GPRIN2: variants seen among roughly 807,000 people sequenced by gnomAD.
GPRIN2 encodes G protein regulated inducer of neurite outgrowth 2.
A neutral mutation model predicts 0.3 loss-of-function variants in GPRIN2; 1 was observed. The ratio of observed to expected loss-of-function variants is 3.90; its 90% confidence interval spans 1.39 to 18.51. The LOEUF is 18.51. Ranked by LOEUF, GPRIN2 falls within the 30% of genes most tolerant of loss-of-function variation. The pLI is 0.11. For missense variants in GPRIN2, 880 were observed against 604.2 expected, an observed-to-expected ratio of 1.46 and a Z score of -4.79; for synonymous variants, 361 against 258.6, an observed-to-expected ratio of 1.40 and a Z score of -3.80.
rs1832516052 is a variant in GPRIN2 at position 46,550,009 on chromosome 10, G to GCCCCTACCT, written c.727_728insAGGTAGGGG (p.Arg242_Ala243insGluValGly). The GCCCCTACCT allele has an allele frequency of 1.2e-6, 2 of 1,613,656 alleles. No individual in the cohort carries two copies. Among genetic ancestry groups the GCCCCTACCT allele is most frequent in the South Asian group, 1.1e-5 (1 of 91,082 alleles). On this transcript the variant is annotated inframe_insertion, in exon 3 of 3. Coordinates refer to ENST00000374314, the MANE Select transcript of GPRIN2 (RefSeq NM_001385282.1). ...AGGTAGGGCATGGCAGCAGCCACCA[G>GCCCCTACCT]CCCTCACCTCCCTCATGCCACAGAG...
intron 2 of GPRIN2, among the ~76,000 whole-genome samples, chr10:46,554,131 C>T (rs1842910329): frequency 6.6e-6 from 1 of 152,308 alleles, no homozygotes; most frequent in Admixed American, 6.5e-5. Flanking sequence ...ACAGCATGTG[C>T]ACTGTCTGCA....
chr10:46,553,215 C>T (rs1832060839), intron 2 of GPRIN2, among the ~76,000 whole-genome samples: 7 of 152,426 alleles, frequency 4.6e-5, no homozygotes, highest in East Asian at 3.8e-4. Flanking sequence ...GCCTATGCCT[C>T]GCAGCTCTCA....
rs1019293070 is a variant in GPRIN2, at chr10:46,549,965, A to T, written c.772T>A (p.Phe258Ile). Residue 258 changes from phenylalanine to isoleucine, a missense_variant, in exon 3 of 3, where the codon TTT (phenylalanine) becomes ATT (isoleucine). Transcript: ENST00000374314. Reference sequence around the variant, plus strand: ...CTCACTGACGCCACTAGTTTGGGAAAGGCCAGGATCCCTGTGGCAGGTAGG... The same window carrying T: ...CTCACTGACGCCACTAGTTTGGGAATGGCCAGGATCCCTGTGGCAGGTAGG... ...HALPATGILA[F>I]PKLVASVSES... 1 of 1,614,264 alleles carries T rather than the reference A, an allele frequency of 6.2e-7. No individual in the cohort carries two copies. Among genetic ancestry groups the T allele is most frequent in the African/African-American group, 1.3e-5 (1 of 75,086 alleles).
chr10:46,549,239 A>C lies in GPRIN2; in HGVS notation c.*121T>G. ...GTCCTGTGGTCTGGAGGCAGCCAATATTCAGGTGAGAGATGTGCCCAGCTG... is the reference window on the plus strand; with the variant it reads ...GTCCTGTGGTCTGGAGGCAGCCAATCTTCAGGTGAGAGATGTGCCCAGCTG... On this transcript the variant is annotated 3_prime_UTR_variant, in exon 3 of 3. Coordinates refer to ENST00000374314, the MANE Select transcript of GPRIN2 (RefSeq NM_001385282.1). 7.7e-7 allele frequency: 1 copy of C among 1,299,908 alleles called. No homozygotes were observed. Among genetic ancestry groups the C allele is most frequent in the South Asian group, 1.8e-5 (1 of 54,604 alleles). The allele number at this position is 1,299,908 out of a possible 1,614,324, so 80.5% of individuals were successfully genotyped here.
At chr10:46,553,494 C>T (rs1487729491) in intron 2 of GPRIN2, among the ~76,000 whole-genome samples, 1 of 152,306 alleles carries the variant, frequency 6.6e-6, no homozygotes, top group East Asian at 1.9e-4. Flanking sequence ...CCCCACCACC[C>T]TCCCAGGGAG....
At position 46,543,943 on chromosome 10, in the gene GPRIN2, C is replaced by G. The variant is rs1464390297; in HGVS notation, c.*5417G>C. On this transcript the variant is annotated 3_prime_UTR_variant, in exon 3 of 3. Transcript: ENST00000374314. Reference sequence around the variant, plus strand: ...ACCCATCCCCAATCCTATGGGCCCACGTCACTTTGGTTTCGCTTGTTTTTT... The same window carrying G: ...ACCCATCCCCAATCCTATGGGCCCAGGTCACTTTGGTTTCGCTTGTTTTTT... Among the ~76,000 whole-genome samples, 1 of 152,368 alleles carries G rather than the reference C, an allele frequency of 6.6e-6. No homozygotes were observed. Among genetic ancestry groups the G allele is most frequent in the South Asian group, 2.1e-4 (1 of 4,826 alleles).
chr10:46,548,701 G>C lies in GPRIN2; in HGVS notation c.*659C>G, dbSNP rs1842390759. Among the ~76,000 whole-genome samples the C allele has an allele frequency of 6.6e-6, 1 of 152,310 alleles. No homozygotes were observed. ...AGCTCAGTAAATTCTCCTCATACAT[G>C]ACTGCACTGACTGGACCGGGCACAT... On this transcript the variant is annotated 3_prime_UTR_variant, in exon 3 of 3. Transcript: ENST00000374314.
Position 46,549,386 on chromosome 10 carries a change from C to G in GPRIN2, c.1351G>C (p.Gly451Arg). Residue 451 changes from glycine (G) to arginine (R), a missense_variant, in exon 3 of 3, where the codon GGC (glycine) becomes CGC (arginine). Physicochemically the swap from Gly to Arg is moderately radical, Grantham distance 125. Coordinates refer to ENST00000374314, the MANE Select transcript of GPRIN2 (RefSeq NM_001385282.1). ...CACTCGGGGGCCGCGCCGGAGCAGCCGCAGCAGCTGGGGCGCCGCAGGGAC... is the reference window on the plus strand; with the variant it reads ...CACTCGGGGGCCGCGCCGGAGCAGCGGCAGCAGCTGGGGCGCCGCAGGGAC... ...MQSLRRPSCC[G>R]CSGAAPE 6.7e-7 allele frequency: 1 copy of G among 1,491,416 alleles called. No individual in the cohort carries two copies. The highest frequency in any genetic ancestry group is 8.9e-7 in the Non-Finnish European group (1 of 1,123,338). The allele number at this position is 1,491,416 out of a possible 1,614,324, so 92.4% of individuals were successfully genotyped here.
Position 46,549,932 on chromosome 10 carries a change from C to T in GPRIN2, c.805G>A (p.Gly269Arg). ...TTCACCCCATGCTGAGCCTGCAGCC[C>T]AGACTCGCTCACTGACGCCACTAGT... is the stretch of plus-strand genomic sequence containing the variant. ...PKLVASVSES[G>R]LQAQHGVKIH... Residue 269 changes from glycine to arginine, a missense_variant, in exon 3 of 3, where the codon GGG becomes AGG. Physicochemically the swap from Gly to Arg is moderately radical, Grantham distance 125 (BLOSUM62 -2). Coordinates refer to ENST00000374314, the MANE Select transcript of GPRIN2 (RefSeq NM_001385282.1). 1.2e-6 allele frequency: 2 copies of T among 1,614,288 alleles called. No homozygotes were observed. The highest frequency in any genetic ancestry group is 1.1e-5 in the South Asian group (1 of 91,092).
In GPRIN2 at chr10:46,549,510, CT is replaced by C; in HGVS notation, c.1226del (p.Lys409SerfsTer63). 6.2e-7 allele frequency: 1 copy of C among 1,612,992 alleles called. No homozygotes were observed. The highest frequency in any genetic ancestry group is 8.5e-7 in the Non-Finnish European group (1 of 1,179,262). On this transcript the variant is annotated frameshift_variant, in exon 3 of 3. Coordinates refer to ENST00000374314, the MANE Select transcript of GPRIN2 (RefSeq NM_001385282.1). LOFTEE classifies it low-confidence loss of function (END_TRUNC). ...GCTGCTCAAACTGCATCTCCAGGTG[CT>C]TCTGGATGGCCACACCGAGCACCTC... Reference protein sequence around the residue: ...DLEVLGVAIQKHLEMQFEQLQ... With the variant: ...DLEVLGVAIQXHLEMQFEQLQ...
rs1832416028 is a variant in GPRIN2, at chr10:46,550,296, G to T, written c.441C>A (p.Gly147=). The T allele has an allele frequency of 9.3e-6, 15 of 1,612,902 alleles. No individual in the cohort carries two copies. Among genetic ancestry groups the T allele is most frequent in the African/African-American group, 1.3e-5 (1 of 74,940 alleles). Residue 147 remains glycine (G), a synonymous_variant, in exon 3 of 3, where the codon GGC becomes GGA. Transcript: ENST00000374314. ...RKASLSCSAL[G]SSPVHRAQLQ... is the part of the protein sequence containing the mutation. ...GCTGAGCCCTGTGGACAGGGCTGCTGCCAAGGGCTGAGCAGCTGAGACTGG... is the reference window on the plus strand; with the variant it reads ...GCTGAGCCCTGTGGACAGGGCTGCTTCCAAGGGCTGAGCAGCTGAGACTGG...
chr10:46,549,138 G>T lies in GPRIN2; in HGVS notation c.*222C>A. On this transcript the variant is annotated 3_prime_UTR_variant, in exon 3 of 3. Coordinates refer to ENST00000374314, the MANE Select transcript of GPRIN2 (RefSeq NM_001385282.1). ...TCTCAAAGTTCAGAGCCCGGAAGGT[G>T]CAGAGATGTGGCCCTTGGAAATCAA... 1.8e-6 allele frequency: 1 copy of T among 543,612 alleles called. No homozygotes were observed. The highest frequency in any genetic ancestry group is 4.4e-5 in the South Asian group (1 of 22,646). 33.7% of individuals were successfully genotyped at this position (543,612 alleles called of 1,614,324 possible). A position where few individuals can be genotyped will look rare whatever the true frequency, so the allele number is the denominator to read the frequency against.
chr10:46,543,533 C>T lies in GPRIN2; in HGVS notation c.*5827G>A, dbSNP rs1417120021. Among the ~76,000 whole-genome samples, 1 of 152,308 alleles carries T rather than the reference C, an allele frequency of 6.6e-6. No homozygotes were observed. The highest frequency in any genetic ancestry group is 2.4e-5 in the African/African-American group (1 of 41,488). On this transcript the variant is annotated 3_prime_UTR_variant, in exon 3 of 3. Transcript: ENST00000374314. ...GGTGCTGCAGTCCTGGGGCCATGTT[C>T]ATAGGATGCAGAGAAAGCACACTCT...
chr10:46,542,101 C>T lies in GPRIN2; in HGVS notation c.*7259G>A, dbSNP rs1011846147. Among the ~76,000 whole-genome samples the T allele has an allele frequency of 3.3e-5, 5 of 152,300 alleles. No individual in the cohort carries two copies. The highest frequency in any genetic ancestry group is 5.9e-5 in the Non-Finnish European group (4 of 68,050). The stretch of plus-strand genomic sequence containing the variant: ...CAAAGCTTGTGTACAAAATGACACC[C>T]TTGGCCACCATCTCCCAGTCTGTTG... On this transcript the variant is annotated 3_prime_UTR_variant, in exon 3 of 3. Transcript: ENST00000374314.
rs1841967666 is a variant in GPRIN2 at position 46,544,268 on chromosome 10, G to C, written c.*5092C>G. ...ACAAGATGGACAGGAAAGAGGCCAA[G>C]GGCAGGCAGTTCCCAATCTCCACAA... On this transcript the variant is annotated 3_prime_UTR_variant, in exon 3 of 3. Transcript: ENST00000374314. 6.6e-6 allele frequency among the ~76,000 whole-genome samples: 1 copy of C among 152,310 alleles called. No homozygotes were observed. The highest frequency in any genetic ancestry group is 1.5e-5 in the Non-Finnish European group (1 of 68,058).
At chr10:46,553,968 G>A (rs1842892126) in intron 2 of GPRIN2, among the ~76,000 whole-genome samples, 1 of 152,310 alleles carries the variant, frequency 6.6e-6, no homozygotes, top group African/African-American at 2.4e-5. Context: ...GGGTGAGGAG[G>A]AAGGGGCAGG....
chr10:46,542,771 G>A lies in GPRIN2; in HGVS notation c.*6589C>T, dbSNP rs1011009015. 1.3e-5 allele frequency among the ~76,000 whole-genome samples: 2 copies of A among 152,306 alleles called. No homozygotes were observed. The highest frequency in any genetic ancestry group is 2.9e-5 in the Non-Finnish European group (2 of 68,056). On this transcript the variant is annotated 3_prime_UTR_variant, in exon 3 of 3. Transcript: ENST00000374314. ...CACGAATCCAGTTCCTGACAGCAGA[G>A]AAGCATACAGGTGGGACAGTGCAGT...
At chr10:46,557,077 C>T (rs1843333685), upstream of GPRIN2, among the ~76,000 whole-genome samples, 1 of 145,042 alleles carries the variant, frequency 6.9e-6, no homozygotes, top group African/African-American at 2.5e-5. Context: ...ATTGAGGTCT[C>T]CGCGCCGGCG....
At chr10:46,551,334 C>A (rs936837668) in intron 2 of GPRIN2, 24 of 941,534 alleles carry the variant, frequency 2.5e-5, no homozygotes, top group Non-Finnish European at 2.9e-5. Flanking sequence ...CTGAGAATCA[C>A]CCTGGGCTTC....
Sources: allele counts gnomAD v4.1 joint callset (sites outside exome capture counted in the v4.1 genomes callset), GRCh38; gene constraint gnomAD v4.1.1; transcripts MANE v1.5; gene names NCBI Gene and HGNC (gene_info 2026-07-23, HGNC 2026-07-21).